The following ELMO1 variants were observed in gnomAD, a reference collection of about 807,000 sequenced individuals.
The protein encoded by ELMO1 is engulfment and cell motility 1.
Under a neutral mutation model 98.9 loss-of-function variants are expected in ELMO1, and 26 were observed. That is an observed-to-expected ratio of 0.26 (90% CI 0.19 to 0.36). ELMO1 has a LOEUF of 0.36. Among genes scored for constraint, ELMO1 ranks in the 10% least tolerant of loss-of-function variants. The probability of loss-of-function intolerance (pLI) is 1.00; values close to 1 mark genes in which losing one functional copy is unlikely to be tolerated. For synonymous variants in ELMO1, 346 were observed against 346.0 expected, an observed-to-expected ratio of 1.00 and a Z score of 0.00; for missense variants, 627 against 935.2, an observed-to-expected ratio of 0.67 and a Z score of 4.30.
chr7:37,362,803 T>C (rs1300064362), intron 1 of ELMO1, among the ~76,000 whole-genome samples: 1 of 152,212 alleles, frequency 6.6e-6, no homozygotes, highest in East Asian at 1.9e-4. Flanking sequence ...TCCCCTCTTC[T>C]GAGCACTCTA....
intron 13 of ELMO1, among the ~76,000 whole-genome samples, chr7:37,188,501 A>AAAAAAAAAAAAAAAAAAAAAAT (rs764889756): frequency 7.9e-6 from 1 of 125,960 alleles, no homozygotes; most frequent in Non-Finnish European, 1.6e-5. Context: ...AAAAAAAAAA[A>AAAAAAAAAAAAAAAAAAAAAAT]AATAATAATA....
chr7:36,992,031 T>A (rs891860974), intron 16 of ELMO1, among the ~76,000 whole-genome samples: 2 of 152,222 alleles, frequency 1.3e-5, no homozygotes, highest in African/African-American at 4.8e-5. Flanking sequence ...CCAAGCATCC[T>A]AAGGCTGAGT....
intron 16 of ELMO1, among the ~76,000 whole-genome samples, chr7:37,006,646 A>G (rs748216649): frequency 5.9e-5 from 9 of 152,224 alleles, no homozygotes; most frequent in Non-Finnish European, 1.3e-4. Context: ...GTATACATAC[A>G]CAAAGACATA....
rs1409733975 is a variant in ELMO1 at position 36,853,607 on chromosome 7, C to A, written c.*1944G>T. Among the ~76,000 whole-genome samples the A allele has an allele frequency of 6.6e-6, 1 of 152,192 alleles. No individual in the cohort carries two copies. Among genetic ancestry groups the A allele is most frequent in the South Asian group, 2.1e-4 (1 of 4,828 alleles). ...TGAGTGCTCTGATGGGAAGAAGGAA[C>A]CCCTGTGAATGCAAAGGACTTTTTT... is the stretch of plus-strand genomic sequence containing the variant. On this transcript the variant is annotated 3_prime_UTR_variant, in exon 22 of 22. Transcript: ENST00000310758.
At chr7:37,082,354 C>T (rs1025737470) in intron 15 of ELMO1, among the ~76,000 whole-genome samples, 2 of 151,972 alleles carry the variant, frequency 1.3e-5, no homozygotes, top group African/African-American at 4.8e-5. Context: ...TTTAACTCCT[C>T]TCAAAAGATT....
intron 15 of ELMO1, among the ~76,000 whole-genome samples, chr7:37,089,288 G>A (rs771349597): frequency 1.3e-5 from 2 of 152,152 alleles, no homozygotes; most frequent in Non-Finnish European, 2.9e-5. Context: ...TATTGCCATG[G>A]AAAGACAAAG....
At chr7:37,181,424 A>T (rs1790854860) in intron 13 of ELMO1, among the ~76,000 whole-genome samples, 1 of 152,034 alleles carries the variant, frequency 6.6e-6, no homozygotes, top group Non-Finnish European at 1.5e-5. Context: ...ATCATCGGGC[A>T]TTTCCTGAGG....
chr7:37,227,747 A>G (rs1793947728), intron 8 of ELMO1, among the ~76,000 whole-genome samples: 2 of 152,184 alleles, frequency 1.3e-5, no homozygotes, highest in Non-Finnish European at 2.9e-5. Context: ...AGTTCTCTAT[A>G]AATCATTAAC....
intron 15 of ELMO1, among the ~76,000 whole-genome samples, chr7:37,090,859 G>T (rs926718474): frequency 1.3e-5 from 2 of 152,198 alleles, no homozygotes; most frequent in Admixed American, 6.5e-5. Context: ...CCTCCAGTTA[G>T]TGTGAGCTGC....
chr7:37,276,027 T>G (rs1314385131), intron 4 of ELMO1, among the ~76,000 whole-genome samples: 1 of 152,298 alleles, frequency 6.6e-6, no homozygotes, highest in South Asian at 2.1e-4. Flanking sequence ...GCATAGTGCA[T>G]AGCTTAAAAG....
chr7:36,905,097 G>A (rs999468146), intron 16 of ELMO1, among the ~76,000 whole-genome samples: 2 of 152,176 alleles, frequency 1.3e-5, no homozygotes, highest in Non-Finnish European at 2.9e-5. Context: ...GAGGAGACAC[G>A]GTGGGGGAAA....
intron 14 of ELMO1, among the ~76,000 whole-genome samples, chr7:37,112,973 ATCC>A (rs1485956926): frequency 2.6e-5 from 4 of 152,202 alleles, no homozygotes; most frequent in African/African-American, 9.6e-5. Context: ...GGTCACATGA[ATCC>A]TATTCAAAAA....
intron 19 of ELMO1, among the ~76,000 whole-genome samples, chr7:36,873,034 G>A (rs918274144): frequency 3.3e-5 from 5 of 152,092 alleles, no homozygotes; most frequent in Admixed American, 6.5e-5. Flanking sequence ...AAGGAGAAGC[G>A]TCACTTTTTC....
chr7:37,372,409 T>C (rs757584628), intron 1 of ELMO1, among the ~76,000 whole-genome samples: 3 of 152,114 alleles, frequency 2.0e-5, no homozygotes, highest in Non-Finnish European at 4.4e-5. Flanking sequence ...CTATAACTCA[T>C]AGGGTTGCTG....
At chr7:37,275,744 T>C (rs1796797886) in intron 4 of ELMO1, among the ~76,000 whole-genome samples, 1 of 152,242 alleles carries the variant, frequency 6.6e-6, no homozygotes, top group African/African-American at 2.4e-5. Flanking sequence ...CAGTGTCTTG[T>C]ACTTTAAATG....
At chr7:37,012,573 T>C (rs1265208058) in intron 16 of ELMO1, among the ~76,000 whole-genome samples, 1 of 152,222 alleles carries the variant, frequency 6.6e-6, no homozygotes, top group Non-Finnish European at 1.5e-5. Context: ...AGGACAAAGA[T>C]TTTGCTTCTC....
chr7:36,912,304 T>C (rs1784395889), intron 16 of ELMO1, among the ~76,000 whole-genome samples: 1 of 152,138 alleles, frequency 6.6e-6, no homozygotes. Flanking sequence ...AAAAAGGGTA[T>C]GAGAGGCCCT....
intron 16 of ELMO1, among the ~76,000 whole-genome samples, chr7:36,945,568 G>C (rs969927302): frequency 6.6e-6 from 1 of 152,166 alleles, no homozygotes; most frequent in Non-Finnish European, 1.5e-5. Context: ...TTGCATAGTT[G>C]AAAAATAAGA....
chr7:37,069,650 T>C (rs1797167418), intron 15 of ELMO1, among the ~76,000 whole-genome samples: 1 of 152,224 alleles, frequency 6.6e-6, no homozygotes, highest in African/African-American at 2.4e-5. Context: ...CAAGCACTTT[T>C]AGCTCAATCT....
Sources: gnomAD v4.1 joint callset for allele counts (sites outside exome capture counted in the v4.1 genomes callset) on GRCh38, gnomAD v4.1.1 for gene constraint, MANE v1.5 for transcripts, NCBI Gene and HGNC (gene_info 2026-07-23, HGNC 2026-07-21) for gene names.